Variants in VIT observed in about 807,000 individuals in gnomAD.
VIT encodes vitrin.
VIT carries 99 observed loss-of-function variants against 78.0 expected under a neutral mutation model. The ratio of observed to expected loss-of-function variants is 1.27; its 90% CI spans 1.08 to 1.50. VIT has a LOEUF of 1.50. VIT is among the 40% of genes most tolerant of loss of function. VIT has a pLI of 0.00. For synonymous variants in VIT, 374 were observed against 334.3 expected, an observed-to-expected ratio of 1.12 and a Z score of -1.29; for missense variants, 1,126 against 875.3, an observed-to-expected ratio of 1.29 and a Z score of -3.61.
chr2:36,780,332 G>C (rs1664664288), intron 9 of VIT, among the ~76,000 whole-genome samples: 1 of 152,186 alleles, frequency 6.6e-6, no homozygotes, highest in Non-Finnish European at 1.5e-5. Flanking sequence ...GAAGGAAAAA[G>C]AAAGCAAGCA....
At position 36,767,198 on chromosome 2, in the gene VIT, A is replaced by G; in HGVS notation, c.592A>G (p.Thr198Ala). The stretch of plus-strand genomic sequence containing the variant: ...TGTCACTGTAGCTGTGGCCACCCCC[A>G]CCACCTTGCCAAGGCCATCCCCTTC... ...LAVTVAVATP[T>A]TLPRPSPSAA... Residue 198 changes from threonine to alanine, a missense_variant, in exon 7 of 16, where the codon ACC (threonine) becomes GCC (alanine). Transcript: ENST00000379242. 3.1e-6 allele frequency: 5 copies of G among 1,609,364 alleles called. No homozygotes were observed. Among genetic ancestry groups the G allele is most frequent in the Non-Finnish European group, 4.2e-6 (5 of 1,178,190 alleles).
chr2:36,805,331 G>A (rs1666633160), intron 13 of VIT, 107 bp from the exon 14 acceptor site: 4 of 982,534 alleles, frequency 4.1e-6, no homozygotes, highest in East Asian at 3.1e-5. Context: ...AAAAAAACTA[G>A]GGAGGGAATG....
intron 12 of VIT, among the ~76,000 whole-genome samples, chr2:36,798,121 A>G (rs12618670): frequency 0.034 from 5,204 of 152,332 alleles, 252 homozygotes; most frequent in East Asian, 0.18. Context: ...CCTTAACATG[A>G]TAGTTGGAAA....
chr2:36,698,383 T>C (rs1573089480), intron 1 of VIT, among the ~76,000 whole-genome samples: 1 of 152,308 alleles, frequency 6.6e-6, no homozygotes, highest in Middle Eastern at 3.4e-3. Flanking sequence ...TTGAGAATGG[T>C]TCTCAGCTAT....
At position 36,787,273 on chromosome 2, in the gene VIT, A is replaced by G. The variant is rs772614673; in HGVS notation, c.1055A>G (p.Tyr352Cys). ...GGTCCACTGATGGGTGTTGTCCAGT[A>G]TGGGTAAGTGCAGTTAATGTTCTGA... is the stretch of plus-strand genomic sequence containing the variant. ...PAGPLMGVVQYGDNPATHFNL... is the reference protein window; with the variant it reads ...PAGPLMGVVQCGDNPATHFNL... The change falls in exon 12 of 16, where the codon TAT becomes TGT. Residue 352 changes from tyrosine (Y) to cysteine (C), a missense_variant. Physicochemically the swap from Tyr to Cys is radical, Grantham distance 194. Transcript: ENST00000379242. The G allele has an allele frequency of 3.1e-6, 5 of 1,613,622 alleles. No homozygotes were observed. Among genetic ancestry groups the G allele is most frequent in the Non-Finnish European group, 4.2e-6 (5 of 1,179,714 alleles).
intron 4 of VIT, among the ~76,000 whole-genome samples, chr2:36,746,947 A>G (rs536625325): frequency 6.6e-6 from 1 of 152,252 alleles, no homozygotes; most frequent in Non-Finnish European, 1.5e-5. Flanking sequence ...TTGTACTATA[A>G]AATTTCCACT....
chr2:36,790,841 C>G (rs1665440982), intron 12 of VIT, among the ~76,000 whole-genome samples: 1 of 152,158 alleles, frequency 6.6e-6, no homozygotes, highest in Admixed American at 6.6e-5. Flanking sequence ...ATTCTAAGTT[C>G]AAATTATACA....
Position 36,759,004 on chromosome 2 carries a change from G to C in VIT, c.445G>C (p.Ala149Pro). The change falls in exon 6 of 16, where the codon GCT becomes CCT. Residue 149 changes from alanine (A) to proline (P), a missense_variant. Physicochemically the swap from Ala to Pro is conservative, Grantham distance 27. Coordinates refer to ENST00000379242, the MANE Select transcript of VIT (RefSeq NM_053276.4). ...KPKKGVTYPS[A>P]LTYSSSKSPA... is the part of the protein sequence containing the mutation. ...CAAAAAGGGTGTAACCTACCCATCA[G>C]CTCTTACATACTCATCATCGAAAAG... 6.2e-7 allele frequency: 1 copy of C among 1,613,876 alleles called. No individual in the cohort carries two copies. The highest frequency in any genetic ancestry group is 8.5e-7 in the Non-Finnish European group (1 of 1,180,018).
chr2:36,721,419 G>A (rs535683608), intron 2 of VIT, among the ~76,000 whole-genome samples: 1 of 152,054 alleles, frequency 6.6e-6, no homozygotes, highest in African/African-American at 2.4e-5. Flanking sequence ...CCACCTCAGG[G>A]CCATTTGCTT....
chr2:36,716,923 C>G (rs12987032), intron 2 of VIT, among the ~76,000 whole-genome samples: 1 of 135,000 alleles, frequency 7.4e-6, no homozygotes, highest in Non-Finnish European at 1.5e-5. Flanking sequence ...CTTGCCCAGG[C>G]TGGAATGCAG....
chr2:36,785,631 T>C (rs1259236281), intron 11 of VIT, among the ~76,000 whole-genome samples: 1 of 152,176 alleles, frequency 6.6e-6, no homozygotes, highest in Non-Finnish European at 1.5e-5. Context: ...GATGAATTGG[T>C]AGGCACTGAA....
intron 3 of VIT, among the ~76,000 whole-genome samples, chr2:36,729,704 A>T (rs1667077612): frequency 6.6e-6 from 1 of 152,244 alleles, no homozygotes. Context: ...AAGGATATGT[A>T]GTTCCCCTGC....
At chr2:36,730,286 G>GA (rs200786808) in intron 3 of VIT, among the ~76,000 whole-genome samples, 21,628 of 137,074 alleles carry the variant, frequency 0.16, 1,688 homozygotes, top group Middle Eastern at 0.28. Context: ...AGACTGTGTG[G>GA]AAAAAAAAAA....
At position 36,801,309 on chromosome 2, in the gene VIT, C is replaced by A. The variant is rs1468197636; in HGVS notation, c.1067C>A (p.Pro356His). The part of the protein sequence containing the change: ...LMGVVQYGDN[P>H]ATHFNLKTHT... Reference sequence around the variant, plus strand: ...TTGTTCTGACTCTTCAGAGACAACCCTGCTACTCACTTTAACCTCAAGACA... The same window carrying A: ...TTGTTCTGACTCTTCAGAGACAACCATGCTACTCACTTTAACCTCAAGACA... Residue 356 changes from proline (P) to histidine (H), a missense_variant, in exon 13 of 16, where the codon CCT becomes CAT. Coordinates refer to ENST00000379242, the MANE Select transcript of VIT (RefSeq NM_053276.4). 3.7e-6 allele frequency: 6 copies of A among 1,613,890 alleles called. No individual in the cohort carries two copies. The highest frequency in any genetic ancestry group is 5.1e-6 in the Non-Finnish European group (6 of 1,179,938).
chr2:36,809,792 C>T (rs1047920570), intron 15 of VIT, among the ~76,000 whole-genome samples: 8 of 152,062 alleles, frequency 5.3e-5, no homozygotes, highest in Non-Finnish European at 1.2e-4. Context: ...TAACCAGATT[C>T]GTGGGGCTTC....
chr2:36,776,860 A>C (rs555840318), intron 9 of VIT, among the ~76,000 whole-genome samples: 4,148 of 150,996 alleles, frequency 0.027, 188 homozygotes, highest in African/African-American at 0.095. Context: ...GAGGCCAAGG[A>C]GGGCAGATCA....
At chr2:36,803,186 A>G (rs1162074187) in intron 13 of VIT, among the ~76,000 whole-genome samples, 1 of 152,104 alleles carries the variant, frequency 6.6e-6, no homozygotes, top group Non-Finnish European at 1.5e-5. Flanking sequence ...AACCAACCCC[A>G]AGCACCTCTG....
chr2:36,802,543 T>G (rs920204505), intron 13 of VIT, among the ~76,000 whole-genome samples: 2 of 152,194 alleles, frequency 1.3e-5, no homozygotes, highest in African/African-American at 4.8e-5. Context: ...CTTTTCACCT[T>G]TGAACAATGC....
chr2:36,756,227 G>C (rs145992992), intron 5 of VIT, among the ~76,000 whole-genome samples: 1 of 152,046 alleles, frequency 6.6e-6, no homozygotes, highest in East Asian at 1.9e-4. Context: ...CAAAGTGCTG[G>C]GATTACAAGC....
Sources: gnomAD v4.1 joint callset for allele counts (sites outside exome capture counted in the v4.1 genomes callset) on GRCh38, gnomAD v4.1.1 for gene constraint, MANE v1.5 for transcripts, NCBI Gene and HGNC (gene_info 2026-07-23, HGNC 2026-07-21) for gene names.